The following POMP variants were observed in gnomAD, a reference collection of about 807,000 sequenced individuals.
POMP encodes the protein proteasome maturation protein, also known as 2510048O06Rik.
In POMP, 12 loss-of-function variants were observed where a neutral mutation model predicts 20.6. The ratio of observed to expected loss-of-function variants is 0.58; its 90% CI spans 0.37 to 0.94. The LOEUF is 0.94. Among genes scored for constraint, POMP ranks in the 40% least tolerant of loss-of-function variants. POMP has a pLI of 0.01. For missense variants in POMP, 136 were observed against 161.1 expected (o/e 0.84, Z 0.84); for synonymous variants, 53 against 55.0 (o/e 0.96, Z 0.16).
chr13:28,666,412 A>C (rs2137793451), intron 3 of POMP, among the ~76,000 whole-genome samples: 1 of 152,370 alleles, frequency 6.6e-6, no homozygotes, highest in South Asian at 2.1e-4. Flanking sequence ...GTTTAGTTCT[A>C]AGCAATACAT....
At chr13:28,663,808 A>G (rs548056611) in intron 2 of POMP, among the ~76,000 whole-genome samples, 9 of 151,186 alleles carry the variant, frequency 6.0e-5, no homozygotes, top group African/African-American at 2.2e-4. Flanking sequence ...TTCCCCCCAC[A>G]TGAAATGTTC....
intron 4 of POMP, among the ~76,000 whole-genome samples, chr13:28,671,065 A>G (rs1461814904): frequency 6.6e-6 from 1 of 152,138 alleles, no homozygotes; most frequent in Non-Finnish European, 1.5e-5. Flanking sequence ...AATAATAATA[A>G]GATAAATTCT....
In POMP at chr13:28,678,067, C is replaced by T. The variant is rs552637733; in HGVS notation, c.391C>T (p.His131Tyr). The T allele has an allele frequency of 2.5e-6, 4 of 1,614,078 alleles. No individual in the cohort carries two copies. The African/African-American group carries it at 5.3e-5, about 22-fold the overall frequency. The change falls in exon 6 of 6, where the codon CAC becomes TAC. Residue 131 changes from histidine to tyrosine, a missense_variant. His to Tyr is a moderately conservative substitution (Grantham distance 83). Transcript: ENST00000380842. Reference sequence around the variant, plus strand: ...ACAAAGCGAAGTCATGGGAGAGCCACACTTGATGGTGGAATATAAACTTGG... The same window carrying T: ...ACAAAGCGAAGTCATGGGAGAGCCATACTTGATGGTGGAATATAAACTTGG... ...PSQSEVMGEP[H>Y]LMVEYKLGLL
intron 4 of POMP, 115 bp downstream of exon 4, chr13:28,668,689 C>G: frequency 2.4e-6 from 2 of 827,374 alleles, no homozygotes; most frequent in East Asian, 5.4e-5. Context: ...CTTCCCTCCC[C>G]CTTTTTAGGG....
intron 5 of POMP, among the ~76,000 whole-genome samples, chr13:28,675,419 G>A (rs749031064): frequency 1.4e-4 from 22 of 152,184 alleles, no homozygotes; most frequent in Non-Finnish European, 3.1e-4. Flanking sequence ...GATTACAGGC[G>A]TGAGCCATCA....
chr13:28,669,741 T>C (rs1179460022), intron 4 of POMP, among the ~76,000 whole-genome samples: 2 of 152,194 alleles, frequency 1.3e-5, no homozygotes, highest in Admixed American at 1.3e-4. Flanking sequence ...AAATGCCAGT[T>C]TTGTTAGTGC....
chr13:28,675,898 G>C (rs549703548), intron 5 of POMP, among the ~76,000 whole-genome samples: 45 of 152,202 alleles, frequency 3.0e-4, no homozygotes, highest in African/African-American at 1.0e-3. Context: ...ACCAGAACTT[G>C]TGTGAACTCA....
intron 2 of POMP, 84 bp downstream of exon 2, chr13:28,662,591 A>G (rs1243762770): frequency 2.6e-6 from 3 of 1,162,868 alleles, no homozygotes; most frequent in Middle Eastern, 1.9e-4. Flanking sequence ...TAGGCTATAC[A>G]TGTGTATTTA....
intron 5 of POMP, 55 bp downstream of exon 5, chr13:28,672,487 G>A: frequency 7.4e-7 from 1 of 1,360,468 alleles, no homozygotes; most frequent in African/African-American, 1.4e-5. Context: ...AAGGCAAACA[G>A]CTGCAAAAAG....
intron 1 of POMP, among the ~76,000 whole-genome samples, chr13:28,660,238 A>G (rs1394050407): frequency 1.3e-5 from 2 of 152,232 alleles, no homozygotes; most frequent in Admixed American, 6.5e-5. Context: ...AAGGTCCCCA[A>G]CTTCTGGTGG....
chr13:28,674,399 C>T (rs1884596601), intron 5 of POMP, among the ~76,000 whole-genome samples: 2 of 152,178 alleles, frequency 1.3e-5, no homozygotes, highest in South Asian at 4.1e-4. Flanking sequence ...TGGCAGTAAA[C>T]CTGCCTGTCC....
intron 3 of POMP, among the ~76,000 whole-genome samples, 159 bp downstream of exon 3, chr13:28,664,728 A>G (rs536560114): frequency 1.3e-5 from 2 of 152,190 alleles, no homozygotes; most frequent in African/African-American, 2.4e-5. Flanking sequence ...CTTAAAAATT[A>G]CACTGCTCCT....
At chr13:28,667,449 CACTTAGA>C (rs1304086812) in intron 3 of POMP, among the ~76,000 whole-genome samples, 7 of 152,162 alleles carry the variant, frequency 4.6e-5, no homozygotes, top group South Asian at 2.1e-4. Context: ...GCAAACCCTT[CACTTAGA>C]ACTTCAGATC....
intron 5 of POMP, among the ~76,000 whole-genome samples, chr13:28,673,812 G>A (rs1330321396): frequency 6.6e-6 from 1 of 152,174 alleles, no homozygotes; most frequent in Non-Finnish European, 1.5e-5. Context: ...AGGGACTTAG[G>A]AGCATTTATC....
chr13:28,667,759 G>A (rs1460237186), intron 3 of POMP, among the ~76,000 whole-genome samples: 1 of 152,164 alleles, frequency 6.6e-6, no homozygotes, highest in East Asian at 1.9e-4. Flanking sequence ...CAGTCTGTTT[G>A]CATATTACAT....
chr13:28,661,383 T>C (rs1222585488), intron 1 of POMP, among the ~76,000 whole-genome samples: 3 of 152,176 alleles, frequency 2.0e-5, no homozygotes. Context: ...GGAGGATCGC[T>C]TGAACCTGGG....
chr13:28,660,211 A>G (rs139980413), intron 1 of POMP, among the ~76,000 whole-genome samples: 3 of 152,346 alleles, frequency 2.0e-5, no homozygotes, highest in Non-Finnish European at 2.9e-5. Flanking sequence ...GAAAGCAACA[A>G]TCACACATCT....
At chr13:28,662,607 C>T in intron 2 of POMP, 100 bp downstream of exon 2, 1 of 1,000,528 alleles carries the variant, frequency 1.0e-6, no homozygotes, top group Non-Finnish European at 1.6e-6. Flanking sequence ...ATTTAGTTGG[C>T]AGATGGCAAG....
In POMP at chr13:28,669,863, T is replaced by C. The variant is rs993300854; in HGVS notation, c.264+1289T>C. Among the ~76,000 whole-genome samples the C allele has an allele frequency of 4.6e-5, 7 of 152,260 alleles. No individual in the cohort carries two copies. The South Asian group carries it at 8.3e-4, about 18-fold the overall frequency. On this transcript the variant is annotated intron_variant, in intron 4 of 5. Transcript: ENST00000380842. ...CCTCACACCTGTAATCCCAGCACTT[T>C]GGGAGGCCAAGGTGGGTGGATCACT...
Sources: allele counts gnomAD v4.1 joint callset (sites outside exome capture counted in the v4.1 genomes callset), GRCh38; gene constraint gnomAD v4.1.1; transcripts MANE v1.5; gene names NCBI Gene and HGNC (gene_info 2026-07-23, HGNC 2026-07-21).